Variants in UHRF2 observed in about 807,000 individuals in gnomAD.
The protein encoded by UHRF2 is E3 ubiquitin-protein ligase UHRF2.
Under a neutral mutation model 96.8 loss-of-function variants are expected in UHRF2, and 23 were observed. The ratio of observed to expected loss-of-function variants is 0.24; its 90% CI spans 0.17 to 0.34. UHRF2 has a LOEUF of 0.34. Among genes scored for constraint, UHRF2 ranks in the 10% least tolerant of loss-of-function variants. UHRF2 has a pLI of 1.00. For synonymous variants in UHRF2, 385 were observed against 332.6 expected, an observed-to-expected ratio of 1.16 and a Z score of -1.72; for missense variants, 685 against 981.5, an observed-to-expected ratio of 0.70 and a Z score of 4.04.
intron 2 of UHRF2, among the ~76,000 whole-genome samples, chr9:6,427,521 T>C (rs763518914): frequency 2.0e-5 from 3 of 152,048 alleles, no homozygotes; most frequent in African/African-American, 4.8e-5. Context: ...ACTCCGTCTC[T>C]ACTGAAAATA....
At chr9:6,486,774 C>T (rs774838855) in intron 8 of UHRF2, 47 bp from the exon 9 acceptor site, 1 of 1,575,732 alleles carries the variant, frequency 6.3e-7, no homozygotes. Flanking sequence ...GTAAATGTAT[C>T]TTAACTGTTC....
At chr9:6,431,739 T>C (rs1307288991) in intron 2 of UHRF2, among the ~76,000 whole-genome samples, 2 of 152,230 alleles carry the variant, frequency 1.3e-5, no homozygotes, top group East Asian at 3.8e-4. Context: ...TATTGTTAGA[T>C]GTTAAGGTAG....
chr9:6,416,337 G>C (rs927403087), intron 1 of UHRF2, among the ~76,000 whole-genome samples: 1 of 152,202 alleles, frequency 6.6e-6, no homozygotes, highest in East Asian at 1.9e-4. Context: ...CAAAGTGCTG[G>C]GATTACAGGC....
chr9:6,429,475 C>T (rs892244614), intron 2 of UHRF2, among the ~76,000 whole-genome samples: 6 of 151,958 alleles, frequency 3.9e-5, no homozygotes, highest in African/African-American at 9.7e-5. Flanking sequence ...AGTATAGTGG[C>T]GGGATCCACG....
chr9:6,487,980 C>A (rs549728817), intron 9 of UHRF2, among the ~76,000 whole-genome samples: 1 of 152,046 alleles, frequency 6.6e-6, no homozygotes, highest in Non-Finnish European at 1.5e-5. Context: ...GTGGCTCATG[C>A]CTGTAATCCC....
At chr9:6,472,540 CAGG>C (rs1823306882) in intron 4 of UHRF2, among the ~76,000 whole-genome samples, 1 of 152,168 alleles carries the variant, frequency 6.6e-6, no homozygotes, top group Non-Finnish European at 1.5e-5. Flanking sequence ...AAGGAATCTT[CAGG>C]AGAACTAGGT....
chr9:6,483,924 G>A (rs2130917091), intron 8 of UHRF2, among the ~76,000 whole-genome samples: 1 of 152,168 alleles, frequency 6.6e-6, no homozygotes, highest in South Asian at 2.1e-4. Flanking sequence ...CCCAACCTCG[G>A]GTGATCTGCC....
intron 3 of UHRF2, among the ~76,000 whole-genome samples, chr9:6,441,673 G>A (rs1251919976): frequency 2.0e-5 from 3 of 151,654 alleles, no homozygotes; most frequent in East Asian, 3.9e-4. Context: ...AAGATGATAT[G>A]CAATACCTGA....
chr9:6,487,145 G>C (rs1229752399), intron 9 of UHRF2, among the ~76,000 whole-genome samples: 1 of 148,578 alleles, frequency 6.7e-6, no homozygotes, highest in Admixed American at 6.7e-5. Context: ...TTATTATAAG[G>C]AAAACACATT....
chr9:6,484,827 G>A (rs1357970171), intron 8 of UHRF2: 1 of 58,434 alleles, frequency 1.7e-5, no homozygotes, highest in South Asian at 5.2e-4. Flanking sequence ...GAGTTTTGCT[G>A]TTGTTGCCCA....
At chr9:6,452,405 A>ATTTGTCG (rs1821928949) in intron 3 of UHRF2, among the ~76,000 whole-genome samples, 1 of 152,252 alleles carries the variant, frequency 6.6e-6, no homozygotes, top group African/African-American at 2.4e-5. Flanking sequence ...TGTATTTGTC[A>ATTTGTCG]GCAATATATG....
At chr9:6,504,554 T>A (rs1176527294) in intron 14 of UHRF2, 39 bp from the exon 15 acceptor site, 2 of 1,452,224 alleles carry the variant, frequency 1.4e-6, no homozygotes, top group African/African-American at 2.8e-5. Context: ...TATTATGAAC[T>A]GCTAACTTTT....
chr9:6,505,936 C>T (rs1451616087), intron 15 of UHRF2, 97 bp from the exon 16 acceptor site: 2 of 1,266,816 alleles, frequency 1.6e-6, no homozygotes, highest in Middle Eastern at 1.9e-4. Context: ...ACATTTCTCT[C>T]ATTACCAGTT....
At chr9:6,457,280 G>C (rs1157206597) in intron 3 of UHRF2, among the ~76,000 whole-genome samples, 1 of 152,096 alleles carries the variant, frequency 6.6e-6, no homozygotes, top group Non-Finnish European at 1.5e-5. Flanking sequence ...TTGTGAATGG[G>C]AGTTCACTCA....
At chr9:6,475,322 T>G in intron 4 of UHRF2, 69 bp from the exon 5 acceptor site, 1 of 916,248 alleles carries the variant, frequency 1.1e-6, no homozygotes. Context: ...CAAACTGGCT[T>G]TTAATTATTA....
chr9:6,447,203 T>G (rs1001716463), intron 3 of UHRF2, among the ~76,000 whole-genome samples: 2 of 152,206 alleles, frequency 1.3e-5, no homozygotes, highest in Admixed American at 1.3e-4. Flanking sequence ...CACGTACCTT[T>G]TAACCTAATT....
At chr9:6,441,353 G>T (rs1821150604) in intron 3 of UHRF2, among the ~76,000 whole-genome samples, 1 of 151,370 alleles carries the variant, frequency 6.6e-6, no homozygotes, top group East Asian at 1.9e-4. Context: ...CAGCTTGGGT[G>T]ACACGGTGAA....
intron 8 of UHRF2, 86 bp downstream of exon 8, chr9:6,482,185 C>G: frequency 9.4e-7 from 1 of 1,062,848 alleles, no homozygotes; most frequent in South Asian, 1.3e-5. Flanking sequence ...GTAAGTGAAC[C>G]TAACACATGA....
At chr9:6,435,676 G>C (rs1003149157) in intron 3 of UHRF2, among the ~76,000 whole-genome samples, 1 of 152,052 alleles carries the variant, frequency 6.6e-6, no homozygotes, top group African/African-American at 2.4e-5. Context: ...GTGCGATCTT[G>C]GCTCACTGCA....
Sources: gnomAD v4.1 joint callset for allele counts (sites outside exome capture counted in the v4.1 genomes callset) on GRCh38, gnomAD v4.1.1 for gene constraint, MANE v1.5 for transcripts, NCBI Gene and HGNC (gene_info 2026-07-23, HGNC 2026-07-21) for gene names.